Variants in RAB28 observed in about 807,000 individuals in gnomAD.
RAB28 encodes ras-related protein Rab-28.
Under a neutral mutation model 31.7 loss-of-function variants are expected in RAB28, and 24 were observed. The ratio of observed to expected loss-of-function variants is 0.76; its 90% CI spans 0.55 to 1.06. The LOEUF (loss-of-function observed/expected upper bound fraction) is 1.06, where lower values mean the gene tolerates loss of function less well. Ranked by LOEUF, RAB28 falls within the 50% of genes least tolerant of loss-of-function variation. RAB28 has a pLI of 0.00. For synonymous variants in RAB28, 100 were observed against 90.4 expected (o/e 1.11, Z -0.60); for missense variants, 254 against 258.5 (o/e 0.98, Z 0.12).
chr4:13,450,649 A>G (rs1397928192), intron 4 of RAB28, among the ~76,000 whole-genome samples: 1 of 151,906 alleles, frequency 6.6e-6, no homozygotes, highest in Admixed American at 6.6e-5. Flanking sequence ...AAGAAACAAT[A>G]TATCAGATGA....
chr4:13,380,377 G>A (rs1033734325), intron 5 of RAB28, among the ~76,000 whole-genome samples: 1 of 151,784 alleles, frequency 6.6e-6, no homozygotes, highest in Non-Finnish European at 1.5e-5. Context: ...AGTCAAATAG[G>A]GGTCAGTGAT....
chr4:13,445,474 T>C (rs916881262), intron 4 of RAB28, among the ~76,000 whole-genome samples: 8 of 152,158 alleles, frequency 5.3e-5, no homozygotes, highest in Non-Finnish European at 1.2e-4. Context: ...CGTTTCTGCA[T>C]TGGTTTTTCC....
chr4:13,463,335 A>C (rs1484649624), intron 3 of RAB28, among the ~76,000 whole-genome samples: 1 of 152,180 alleles, frequency 6.6e-6, no homozygotes, highest in Non-Finnish European at 1.5e-5. Context: ...AGGATGAGAG[A>C]TATGGAACAA....
At position 13,382,547 on chromosome 4, in the gene RAB28, A is replaced by G. The variant is rs547930355; in HGVS notation, c.392-953T>C. Among the ~76,000 whole-genome samples the G allele has an allele frequency of 9.9e-5, 15 of 152,192 alleles. 1 individual carries two copies. In the South Asian group the frequency reaches 3.1e-3, roughly 32 times the overall value. ...CAATTGATTATCAACTAAAAAATGCACTCATACTACATAAAAGACTTTATT... is the reference window on the plus strand; with the variant it reads ...CAATTGATTATCAACTAAAAAATGCGCTCATACTACATAAAAGACTTTATT... On this transcript the variant is annotated intron_variant, in intron 4 of 6. Transcript: ENST00000330852.
intron 5 of RAB28, among the ~76,000 whole-genome samples, chr4:13,378,723 C>A (rs1476771411): frequency 6.6e-6 from 1 of 151,938 alleles, no homozygotes; most frequent in Non-Finnish European, 1.5e-5. Context: ...TAGAATAGAT[C>A]CCATAGTAAC....
chr4:13,377,438 C>G (rs1227034311), intron 5 of RAB28, among the ~76,000 whole-genome samples: 1 of 152,166 alleles, frequency 6.6e-6, no homozygotes, highest in Non-Finnish European at 1.5e-5. Context: ...TAGCCTTATG[C>G]CACTTGTACC....
chr4:13,425,249 A>C (rs890265462), intron 4 of RAB28, among the ~76,000 whole-genome samples: 2 of 152,146 alleles, frequency 1.3e-5, no homozygotes, highest in African/African-American at 4.8e-5. Flanking sequence ...ACATTTTTTG[A>C]TGTTTTAGAA....
intron 4 of RAB28, among the ~76,000 whole-genome samples, chr4:13,436,006 T>C (rs1714083593): frequency 2.6e-5 from 4 of 152,068 alleles, no homozygotes; most frequent in Non-Finnish European, 5.9e-5. Context: ...ATCAAAAAGA[T>C]AATTCACTAA....
intron 4 of RAB28, among the ~76,000 whole-genome samples, chr4:13,426,555 G>C (rs1713506100): frequency 6.6e-6 from 1 of 152,022 alleles, no homozygotes; most frequent in South Asian, 2.1e-4. Flanking sequence ...ACTGGCAACT[G>C]TCCATTTTTA....
At chr4:13,452,630 C>G (rs936175829) in intron 4 of RAB28, among the ~76,000 whole-genome samples, 1 of 151,934 alleles carries the variant, frequency 6.6e-6, no homozygotes, top group African/African-American at 2.4e-5. Flanking sequence ...AGATAAGATA[C>G]TTGATATGAT....
intron 4 of RAB28, among the ~76,000 whole-genome samples, chr4:13,441,842 A>T (rs1304480649): frequency 6.6e-5 from 10 of 152,214 alleles, no homozygotes; most frequent in African/African-American, 2.4e-4. Context: ...AAATCCATAA[A>T]GCCCAAGAGC....
At chr4:13,389,466 T>C (rs539387241) in intron 4 of RAB28, among the ~76,000 whole-genome samples, 1 of 152,204 alleles carries the variant, frequency 6.6e-6, no homozygotes, top group African/African-American at 2.4e-5. Context: ...TTAACCACCA[T>C]TTGAAAAAAC....
intron 3 of RAB28, among the ~76,000 whole-genome samples, chr4:13,466,402 A>G (rs9993916): frequency 0.094 from 14,261 of 152,006 alleles, 1,304 homozygotes; most frequent in African/African-American, 0.24. Context: ...CAAGAGACCC[A>G]TAAAGACATT....
At chr4:13,389,010 G>C (rs748945680) in intron 4 of RAB28, among the ~76,000 whole-genome samples, 2 of 152,082 alleles carry the variant, frequency 1.3e-5, no homozygotes, top group Non-Finnish European at 2.9e-5. Context: ...GCACATCCAA[G>C]TTTACAACAG....
chr4:13,384,207 C>G (rs1350176156), intron 4 of RAB28, among the ~76,000 whole-genome samples: 1 of 152,204 alleles, frequency 6.6e-6, no homozygotes, highest in African/African-American at 2.4e-5. Flanking sequence ...AGGGCAGGCA[C>G]AGACCTGCAC....
chr4:13,420,781 C>A (rs1278292431), intron 4 of RAB28, among the ~76,000 whole-genome samples: 1 of 152,158 alleles, frequency 6.6e-6, no homozygotes, highest in Non-Finnish European at 1.5e-5. Flanking sequence ...CTATTTATGA[C>A]AAACCCACAG....
At chr4:13,469,701 A>G (rs1373327251) in intron 3 of RAB28, among the ~76,000 whole-genome samples, 1 of 151,796 alleles carries the variant, frequency 6.6e-6, no homozygotes, top group Non-Finnish European at 1.5e-5. Context: ...ATCGACAGCA[A>G]TTTTCTTTTT....
At chr4:13,395,319 TAC>T (rs746952504) in intron 4 of RAB28, among the ~76,000 whole-genome samples, 5 of 152,238 alleles carry the variant, frequency 3.3e-5, no homozygotes, top group East Asian at 1.9e-4. Flanking sequence ...ATCACTTGAT[TAC>T]ACAGTTATTT....
At chr4:13,403,770 A>G (rs1711914695) in intron 4 of RAB28, among the ~76,000 whole-genome samples, 2 of 152,216 alleles carry the variant, frequency 1.3e-5, no homozygotes, top group South Asian at 4.1e-4. Flanking sequence ...GAATGAGTAA[A>G]TAAATGAATG....
Sources: gnomAD v4.1 joint callset for allele counts (sites outside exome capture counted in the v4.1 genomes callset) on GRCh38, gnomAD v4.1.1 for gene constraint, MANE v1.5 for transcripts, NCBI Gene and HGNC (gene_info 2026-07-23, HGNC 2026-07-21) for gene names.